The following LMX1A variants were observed in gnomAD, a reference collection of about 807,000 sequenced individuals.
LMX1A encodes LIM homeobox transcription factor 1 alpha, also known as LIM homeobox transcription factor 1-alpha.
In LMX1A, 15 loss-of-function variants were observed where a neutral mutation model predicts 49.1. That is an observed-to-expected ratio of 0.31 (90% CI 0.20 to 0.47). The LOEUF (loss-of-function observed/expected upper bound fraction) is 0.47. Among genes scored for constraint, LMX1A ranks in the 20% least tolerant of loss-of-function variants. The pLI is 1.00. For missense variants in LMX1A, 372 were observed against 475.8 expected, an observed-to-expected ratio of 0.78 and a Z score of 2.03; for synonymous variants, 167 against 185.7, an observed-to-expected ratio of 0.90 and a Z score of 0.82.
chr1:165,256,045 T>G (rs1197008803), intron 3 of LMX1A, among the ~76,000 whole-genome samples: 1 of 151,930 alleles, frequency 6.6e-6, no homozygotes, highest in Non-Finnish European at 1.5e-5. Context: ...TGGGCATGAC[T>G]TTGACATGGG....
chr1:165,331,105 A>G (rs1464159053), intron 3 of LMX1A, among the ~76,000 whole-genome samples: 1 of 152,230 alleles, frequency 6.6e-6, no homozygotes, highest in Non-Finnish European at 1.5e-5. Flanking sequence ...GACACAATTT[A>G]AAATTATTAA....
At chr1:165,337,575 A>T (rs761788832) in intron 3 of LMX1A, among the ~76,000 whole-genome samples, 1 of 152,206 alleles carries the variant, frequency 6.6e-6, no homozygotes, top group Non-Finnish European at 1.5e-5. Flanking sequence ...GACAGATGCC[A>T]CTAATCCAGA....
At chr1:165,253,303 A>G (rs746713322) in intron 3 of LMX1A, among the ~76,000 whole-genome samples, 2 of 152,372 alleles carry the variant, frequency 1.3e-5, no homozygotes, top group Non-Finnish European at 1.5e-5. Context: ...ATAAAGCTAT[A>G]GTATATATAA....
chr1:165,343,431 T>TAATAATAAC (rs397981790), intron 3 of LMX1A, among the ~76,000 whole-genome samples: 1 of 149,674 alleles, frequency 6.7e-6, no homozygotes, highest in Non-Finnish European at 1.5e-5. Flanking sequence ...ATAATAATAA[T>TAATAATAAC]AACACCCAAT....
chr1:165,322,244 T>C (rs1655407700), intron 3 of LMX1A, among the ~76,000 whole-genome samples: 1 of 152,124 alleles, frequency 6.6e-6, no homozygotes, highest in Non-Finnish European at 1.5e-5. Context: ...AAATGGTACA[T>C]CTGCTGTGGA....
intron 3 of LMX1A, among the ~76,000 whole-genome samples, chr1:165,292,648 T>C (rs571475235): frequency 6.6e-6 from 1 of 152,194 alleles, no homozygotes; most frequent in African/African-American, 2.4e-5. Context: ...TTCCTCCAAA[T>C]AGGCAGCATT....
At chr1:165,334,785 A>C (rs550657363) in intron 3 of LMX1A, among the ~76,000 whole-genome samples, 11 of 152,304 alleles carry the variant, frequency 7.2e-5, no homozygotes, top group African/African-American at 2.4e-4. Context: ...GGTCTCTTTC[A>C]GGGGCCCAAG....
chr1:165,244,059 G>A (rs989964587), intron 4 of LMX1A, among the ~76,000 whole-genome samples: 4 of 152,138 alleles, frequency 2.6e-5, no homozygotes, highest in Non-Finnish European at 5.9e-5. Flanking sequence ...GACCACCAAT[G>A]GGTAATGATG....
At chr1:165,266,748 C>T (rs1571190159) in intron 3 of LMX1A, among the ~76,000 whole-genome samples, 1 of 151,880 alleles carries the variant, frequency 6.6e-6, no homozygotes, top group South Asian at 2.1e-4. Context: ...ACTACAGGTA[C>T]CCGCCACCAC....
At chr1:165,217,211 G>T (rs947827484) in intron 4 of LMX1A, among the ~76,000 whole-genome samples, 8 of 152,190 alleles carry the variant, frequency 5.3e-5, no homozygotes, top group Non-Finnish European at 1.2e-4. Context: ...ACAGAGGGAG[G>T]CAGAGTTAGA....
intron 3 of LMX1A, among the ~76,000 whole-genome samples, chr1:165,249,999 A>G (rs1176367338): frequency 2.9e-5 from 4 of 136,488 alleles, no homozygotes; most frequent in South Asian, 2.8e-4. Flanking sequence ...CCATCACTGC[A>G]TGTTCTCACT....
At chr1:165,303,343 C>T (rs1654836742) in intron 3 of LMX1A, among the ~76,000 whole-genome samples, 1 of 152,190 alleles carries the variant, frequency 6.6e-6, no homozygotes, top group Admixed American at 6.5e-5. Context: ...TGATCATCTC[C>T]TTTATGGCTC....
Position 165,316,621 on chromosome 1 carries a change from G to A in LMX1A, c.263+36455C>T, listed in dbSNP as rs568487307. ...GAGACATACGCACAAGTGCTTTGTC[G>A]GGGAGGTGGCTGGAGCCATAGGAGA... On this transcript the variant is annotated intron_variant, in intron 3 of 8. Transcript: ENST00000342310. Among the ~76,000 whole-genome samples the A allele has an allele frequency of 9.8e-5, 15 of 152,310 alleles. 1 individual carries two copies. Among genetic ancestry groups the A allele is most frequent in the South Asian group, 2.1e-4 (1 of 4,820 alleles).
At chr1:165,354,104 G>A (rs1051953926) in intron 2 of LMX1A, among the ~76,000 whole-genome samples, 1 of 152,150 alleles carries the variant, frequency 6.6e-6, no homozygotes, top group African/African-American at 2.4e-5. Context: ...TTCAGGTGGC[G>A]ACGCTTGGCC....
At chr1:165,224,097 A>G (rs887835292) in intron 4 of LMX1A, among the ~76,000 whole-genome samples, 1 of 152,186 alleles carries the variant, frequency 6.6e-6, no homozygotes, top group East Asian at 1.9e-4. Context: ...TGGTGTTGTC[A>G]TGATGATAGT....
chr1:165,292,901 G>A (rs1424094435), intron 3 of LMX1A, among the ~76,000 whole-genome samples: 2 of 152,002 alleles, frequency 1.3e-5, no homozygotes, highest in East Asian at 1.9e-4. Context: ...GGCAGATCAC[G>A]AGGTCAGGAG....
At chr1:165,217,328 C>T (rs1651678199) in intron 4 of LMX1A, among the ~76,000 whole-genome samples, 1 of 152,218 alleles carries the variant, frequency 6.6e-6, no homozygotes, top group Admixed American at 6.5e-5. Context: ...TGTACTCAGC[C>T]TTGCCTGGGA....
At chr1:165,320,216 G>A (rs900290722) in intron 3 of LMX1A, among the ~76,000 whole-genome samples, 3 of 152,158 alleles carry the variant, frequency 2.0e-5, no homozygotes, top group Non-Finnish European at 2.9e-5. Context: ...TTAACAGGCA[G>A]TACTACTGAT....
Position 165,325,205 on chromosome 1 carries a change from G to A in LMX1A, c.263+27871C>T, listed in dbSNP as rs375695246. 1.1e-4 allele frequency among the ~76,000 whole-genome samples: 17 copies of A among 152,200 alleles called. No individual in the cohort carries two copies. In the East Asian group the frequency reaches 1.9e-3, roughly 17 times the overall value. ...CTGCTCCTCACCATAATTCTCGTTA[G>A]AAGATCTCTATCTGGCCTCCCAGAC... On this transcript the variant is annotated intron_variant, in intron 3 of 8. Coordinates refer to ENST00000342310, the MANE Select transcript of LMX1A (RefSeq NM_177398.4).
Sources: allele counts gnomAD v4.1 joint callset (sites outside exome capture counted in the v4.1 genomes callset), GRCh38; gene constraint gnomAD v4.1.1; transcripts MANE v1.5; gene names NCBI Gene and HGNC (gene_info 2026-07-23, HGNC 2026-07-21).